The following EPB41L5 variants were observed in gnomAD, a reference collection of about 807,000 sequenced individuals.
EPB41L5 encodes band 4.1-like protein 5.
In EPB41L5, 55 loss-of-function variants were observed where a neutral mutation model predicts 106.6. That is an observed-to-expected ratio of 0.52 (90% confidence interval 0.42 to 0.65). EPB41L5 has a LOEUF of 0.65. Ranked by LOEUF, EPB41L5 falls within the 30% of genes least tolerant of loss-of-function variation. The pLI, the probability that EPB41L5 is intolerant of heterozygous loss-of-function variation, is 0.00. For missense variants in EPB41L5, 871 were observed against 882.1 expected (o/e 0.99, Z 0.16); for synonymous variants, 297 against 306.7 (o/e 0.97, Z 0.33).
chr2:120,104,442 AC>A (rs1684331637), intron 16 of EPB41L5: 2 of 1,329,428 alleles, frequency 1.5e-6, no homozygotes, highest in Non-Finnish European at 1.9e-6. Flanking sequence ...AATGATAATG[AC>A]AAATGTTTGT....
intron 3 of EPB41L5, among the ~76,000 whole-genome samples, chr2:120,056,331 G>T (rs556587585): frequency 1.3e-5 from 2 of 148,896 alleles, no homozygotes; most frequent in East Asian, 3.9e-4. Flanking sequence ...ATGGAGTCTC[G>T]CTTTGTTGCC....
At chr2:120,083,478 T>C (rs1275048884) in intron 10 of EPB41L5, among the ~76,000 whole-genome samples, 2 of 152,216 alleles carry the variant, frequency 1.3e-5, no homozygotes, top group South Asian at 2.1e-4. Flanking sequence ...CAGTTTGTTA[T>C]AATTTCTGTT....
At position 120,177,122 on chromosome 2, in the gene EPB41L5, G is replaced by GGCAGCAGC. The variant is rs1687948094; in HGVS notation, c.*2215_*2216insGCAGCAGC. The GGCAGCAGC allele has an allele frequency of 6.6e-6, 1 of 152,280 alleles. No individual in the cohort carries two copies. Among genetic ancestry groups the GGCAGCAGC allele is most frequent in the African/African-American group, 2.4e-5 (1 of 41,462 alleles). 9.4% of individuals were successfully genotyped at this position (152,280 alleles called of 1,614,324 possible). Reference sequence around the variant, plus strand: ...ATAGCTGCTGCTGCTGCCATGCGCAGAGCTGCTGTAACAGCTCTTCCTGTT... The same window carrying GGCAGCAGC: ...ATAGCTGCTGCTGCTGCCATGCGCAGGCAGCAGCAGCTGCTGTAACAGCTCTTCCTGTT... On this transcript the variant is annotated 3_prime_UTR_variant, in exon 25 of 25. Transcript: ENST00000263713.
chr2:120,126,361 A>G (rs1326960360), intron 16 of EPB41L5, among the ~76,000 whole-genome samples: 1 of 152,168 alleles, frequency 6.6e-6, no homozygotes, highest in Admixed American at 6.5e-5. Context: ...GTCATATCTA[A>G]GAATACTTTA....
intron 3 of EPB41L5, among the ~76,000 whole-genome samples, chr2:120,051,449 C>T (rs112890589): frequency 1.9e-4 from 29 of 152,304 alleles, no homozygotes; most frequent in Non-Finnish European, 2.8e-4. Flanking sequence ...TGGGACCCTC[C>T]GAGCCAGGCA....
chr2:120,094,601 A>AT (rs1349002516), intron 14 of EPB41L5, among the ~76,000 whole-genome samples: 1 of 148,976 alleles, frequency 6.7e-6, no homozygotes, highest in African/African-American at 2.5e-5. Flanking sequence ...GCTCTATATT[A>AT]TTTTTTCCTT....
intron 16 of EPB41L5, among the ~76,000 whole-genome samples, chr2:120,115,400 A>T (rs1361818129): frequency 6.6e-6 from 1 of 151,504 alleles, no homozygotes; most frequent in East Asian, 1.9e-4. Context: ...TCTTTCTCTT[A>T]CTATTTTATT....
At chr2:120,143,932 T>G (rs992987670) in intron 19 of EPB41L5, among the ~76,000 whole-genome samples, 5 of 152,210 alleles carry the variant, frequency 3.3e-5, no homozygotes, top group Admixed American at 2.6e-4. Flanking sequence ...AGCCACAGTT[T>G]AATTATGTAT....
chr2:120,102,897 A>G (rs1470703852), intron 16 of EPB41L5, among the ~76,000 whole-genome samples: 2 of 152,128 alleles, frequency 1.3e-5, no homozygotes, highest in African/African-American at 2.4e-5. Flanking sequence ...TGTTTAGAAA[A>G]CCTTGCATTG....
chr2:120,129,165 T>C (rs1180650318), intron 17 of EPB41L5, among the ~76,000 whole-genome samples: 1 of 151,974 alleles, frequency 6.6e-6, no homozygotes, highest in Non-Finnish European at 1.5e-5. Context: ...GCACATGTGC[T>C]CCCTGAATCT....
At position 120,164,950 on chromosome 2, in the gene EPB41L5, T is replaced by C. The variant is rs780069051; in HGVS notation, c.1962+40T>C. 6.8e-6 allele frequency: 10 copies of C among 1,466,786 alleles called. No individual in the cohort carries two copies. In the South Asian group the frequency reaches 1.1e-4, roughly 16 times the overall value. 90.9% of individuals were successfully genotyped at this position (1,466,786 alleles called of 1,614,324 possible). On this transcript the variant is annotated intron_variant, in intron 22 of 24. Coordinates refer to ENST00000263713, the MANE Select transcript of EPB41L5 (RefSeq NM_020909.4). The stretch of plus-strand genomic sequence containing the variant: ...AAATAGTATGATGGAAAGAAATTTC[T>C]GTTTTGAAAAATGTTCCTGCTAGAT...
At chr2:120,101,460 G>T (rs1403091342) in intron 16 of EPB41L5, 1 of 152,202 alleles carries the variant, frequency 6.6e-6, no homozygotes, top group Admixed American at 6.5e-5. Flanking sequence ...ATGTGGCTTG[G>T]TGGGGGCTCC....
intron 16 of EPB41L5, among the ~76,000 whole-genome samples, chr2:120,126,413 C>G (rs1031938670): frequency 6.6e-6 from 1 of 152,014 alleles, no homozygotes; most frequent in Non-Finnish European, 1.5e-5. Flanking sequence ...TATATTTGTT[C>G]TAAAGTTTTA....
chr2:120,052,905 G>GT (rs955582789), intron 3 of EPB41L5, among the ~76,000 whole-genome samples: 3 of 151,906 alleles, frequency 2.0e-5, no homozygotes, highest in South Asian at 2.1e-4. Context: ...GCTTCTTGTA[G>GT]TTTTTTTTCT....
intron 3 of EPB41L5, among the ~76,000 whole-genome samples, chr2:120,064,785 C>G (rs1201103768): frequency 6.6e-6 from 1 of 152,150 alleles, no homozygotes; most frequent in African/African-American, 2.4e-5. Flanking sequence ...AAACTCAACT[C>G]CTAAAGACCC....
At position 120,103,980 on chromosome 2, in the gene EPB41L5, C is replaced by T. The variant is rs186695188; in HGVS notation, c.1337+3166C>T. On this transcript the variant is annotated intron_variant, in intron 16 of 24. Coordinates refer to ENST00000263713, the MANE Select transcript of EPB41L5 (RefSeq NM_020909.4). ...TGCATGCTAGTCACATTACCTTTCCCCTTTATTGTCTCTTACACATCCATT... is the reference window on the plus strand; with the variant it reads ...TGCATGCTAGTCACATTACCTTTCCTCTTTATTGTCTCTTACACATCCATT... 2.9e-4 allele frequency: 407 copies of T among 1,421,190 alleles called. 9 individuals are homozygous for T. In the Admixed American group the frequency reaches 0.011, roughly 38 times the overall value. 88.0% of individuals were successfully genotyped at this position (1,421,190 alleles called of 1,614,324 possible).
intron 5 of EPB41L5, chr2:120,074,442 C>T (rs1682093226): frequency 3.2e-6 from 1 of 312,624 alleles, no homozygotes; most frequent in South Asian, 9.3e-5. Flanking sequence ...ACTCTCAACT[C>T]AGGAATGTTA....
In EPB41L5 at chr2:120,122,652, A is replaced by G. The variant is rs189775391; in HGVS notation, c.1338-5036A>G. On this transcript the variant is annotated intron_variant, in intron 16 of 24. Coordinates refer to ENST00000263713, the MANE Select transcript of EPB41L5 (RefSeq NM_020909.4). The stretch of plus-strand genomic sequence containing the variant: ...TCTTTTTGCTTAGGATTGTCTTGGC[A>G]ATGTGGGCTCTTTTTTGGTTCCATA... 5.2e-3 allele frequency among the ~76,000 whole-genome samples: 797 copies of G among 152,202 alleles called. 4 individuals are homozygous for G. The highest frequency in any genetic ancestry group is 0.018 in the African/African-American group (767 of 41,530).
intron 18 of EPB41L5, among the ~76,000 whole-genome samples, chr2:120,141,485 G>T (rs1686171691): frequency 6.6e-6 from 1 of 151,980 alleles, no homozygotes; most frequent in South Asian, 2.1e-4. Context: ...CTAGGGTAGG[G>T]GACTAGAATA....
Sources: gnomAD v4.1 joint callset for allele counts (sites outside exome capture counted in the v4.1 genomes callset) on GRCh38, gnomAD v4.1.1 for gene constraint, MANE v1.5 for transcripts, NCBI Gene and HGNC (gene_info 2026-07-23, HGNC 2026-07-21) for gene names.